Variants in HHIP observed in about 807,000 individuals in gnomAD.
The protein encoded by HHIP is hedgehog-interacting protein.
A neutral mutation model predicts 74.0 loss-of-function variants in HHIP; 12 were observed. The ratio of observed to expected loss-of-function variants is 0.16; its 90% CI spans 0.10 to 0.26. The LOEUF is 0.26. HHIP is among the 10% of genes least tolerant of loss of function. The pLI, the probability that HHIP is intolerant of heterozygous loss-of-function variation, is 1.00. For synonymous variants in HHIP, 309 were observed against 311.6 expected, an observed-to-expected ratio of 0.99 and a Z score of 0.09; for missense variants, 788 against 845.0, an observed-to-expected ratio of 0.93 and a Z score of 0.84.
At chr4:144,737,255 G>A (rs1318589008) in intron 12 of HHIP, among the ~76,000 whole-genome samples, 1 of 152,144 alleles carries the variant, frequency 6.6e-6, no homozygotes, top group Non-Finnish European at 1.5e-5. Context: ...CAAGAGGAAG[G>A]AAGAATCCAA....
Position 144,697,991 on chromosome 4 carries a change from G to T in HHIP, c.832-8540G>T, listed in dbSNP as rs138516821. On this transcript the variant is annotated intron_variant, in intron 4 of 12. Coordinates refer to ENST00000296575, the MANE Select transcript of HHIP (RefSeq NM_022475.3). ...TGTGACTTACAGGTAGATGATTTCC[G>T]TGTGGAATCTCTTTTATTCTTCCAT... 2.4e-3 allele frequency among the ~76,000 whole-genome samples: 358 copies of T among 152,202 alleles called. 4 individuals carry two copies. The highest frequency in any genetic ancestry group is 7.8e-3 in the African/African-American group (324 of 41,544).
At position 144,707,199 on chromosome 4, in the gene HHIP, T is replaced by C; in HGVS notation, c.1096T>C (p.Tyr366His). 6.2e-7 allele frequency: 1 copy of C among 1,614,072 alleles called. No individual in the cohort carries two copies. Among genetic ancestry groups the C allele is most frequent in the Non-Finnish European group, 8.5e-7 (1 of 1,179,986 alleles). ...GCTCTTTGGCCCTGACGGCTTTTTG[T>C]ACATCATTCTTGGTGATGGGATGAT... ...QLLFGPDGFL[Y>H]IILGDGMITL... Residue 366 changes from tyrosine to histidine, a missense_variant, in exon 6 of 13, where the codon TAC becomes CAC. Physicochemically the swap from Tyr to His is moderately conservative, Grantham distance 83 (BLOSUM62 2). This residue lies in a region of HHIP where 72 missense variants were observed against 130.6 expected (regional missense o/e 0.55). Transcript: ENST00000296575.
rs1728278816 is a variant in HHIP, at chr4:144,646,892, T to C, written c.217T>C (p.Tyr73His). The change falls in exon 1 of 13, where the codon TAC becomes CAC. Residue 73 changes from tyrosine (Y) to histidine (H), a missense_variant. This residue lies in a region of HHIP where 373 missense variants were observed against 366.4 expected (regional missense o/e 1.02). Transcript: ENST00000296575. ...GGGAGAGATGCTGTGCGGTGGCTTCTACCCTCGGCTGTCCTGCTGCCTGCG... is the reference window on the plus strand; with the variant it reads ...GGGAGAGATGCTGTGCGGTGGCTTCCACCCTCGGCTGTCCTGCTGCCTGCG... Reference protein sequence around the residue: ...SGGEMLCGGFYPRLSCCLRSD... With the variant: ...SGGEMLCGGFHPRLSCCLRSD... The C allele has an allele frequency of 6.2e-7, 1 of 1,614,154 alleles. No homozygotes were observed. The highest frequency in any genetic ancestry group is 1.1e-5 in the South Asian group (1 of 91,076).
chr4:144,707,678 A>G (rs1730184672), intron 6 of HHIP, among the ~76,000 whole-genome samples: 1 of 126,328 alleles, frequency 7.9e-6, no homozygotes, highest in Non-Finnish European at 1.6e-5. Flanking sequence ...TACTGATGCC[A>G]CAGTCCTCAG....
intron 1 of HHIP, among the ~76,000 whole-genome samples, chr4:144,651,874 T>C (rs1228769634): frequency 1.3e-5 from 2 of 152,044 alleles, no homozygotes; most frequent in Non-Finnish European, 2.9e-5. Flanking sequence ...TTCATTAAAA[T>C]TCACTACATA....
intron 11 of HHIP, among the ~76,000 whole-genome samples, chr4:144,721,590 T>C (rs1370791073): frequency 8.4e-6 from 1 of 119,466 alleles, no homozygotes; most frequent in Non-Finnish European, 1.8e-5. Context: ...AGGAGTTATT[T>C]AAGGAAAAAA....
chr4:144,690,315 G>A (rs72948481), intron 4 of HHIP, among the ~76,000 whole-genome samples: 1 of 152,088 alleles, frequency 6.6e-6, no homozygotes, highest in Non-Finnish European at 1.5e-5. Flanking sequence ...CTTCTGTATG[G>A]GGTAGGGAGA....
At chr4:144,677,858 A>T (rs1221508604) in intron 4 of HHIP, among the ~76,000 whole-genome samples, 1 of 152,102 alleles carries the variant, frequency 6.6e-6, no homozygotes, top group Non-Finnish European at 1.5e-5. Context: ...TAATGTTCAT[A>T]TAATATTTGT....
At position 144,740,168 on chromosome 4, in the gene HHIP, T is replaced by C. The variant is rs1393852936; in HGVS notation, c.*2211T>C. On this transcript the variant is annotated 3_prime_UTR_variant, in exon 13 of 13. Transcript: ENST00000296575. The stretch of plus-strand genomic sequence containing the variant: ...TTCTTCCTAGTTTCCCTGAAAACAA[T>C]AAGGATACTGCTATATATTCAGTAA... 1 of 152,184 alleles carries C rather than the reference T, an allele frequency of 6.6e-6. No homozygotes were observed. Among genetic ancestry groups the C allele is most frequent in the Admixed American group, 6.5e-5 (1 of 15,270 alleles). The allele number at this position is 152,184 out of a possible 1,614,324, so 9.4% of individuals were successfully genotyped here.
At chr4:144,711,238 C>G (rs1730293154) in intron 7 of HHIP, among the ~76,000 whole-genome samples, 1 of 152,180 alleles carries the variant, frequency 6.6e-6, no homozygotes, top group Admixed American at 6.5e-5. Flanking sequence ...TAGAATGCAG[C>G]AATTTCATGT....
At chr4:144,703,758 G>C (rs1027555992) in intron 4 of HHIP, among the ~76,000 whole-genome samples, 3 of 152,136 alleles carry the variant, frequency 2.0e-5, no homozygotes, top group African/African-American at 7.2e-5. Context: ...CCAGGCTCTC[G>C]GGCTAGGACG....
chr4:144,660,048 C>G lies in HHIP; in HGVS notation c.831+210C>G. 5.4e-6 allele frequency: 3 copies of G among 551,398 alleles called. 1 individual carries two copies. Among genetic ancestry groups the G allele is most frequent in the Non-Finnish European group, 9.6e-6 (3 of 312,974 alleles). The allele number at this position is 551,398 out of a possible 1,614,324, so 34.2% of individuals were successfully genotyped here. On this transcript the variant is annotated intron_variant, in intron 4 of 12. Coordinates refer to ENST00000296575, the MANE Select transcript of HHIP (RefSeq NM_022475.3). The stretch of plus-strand genomic sequence containing the variant: ...TTTGTTGACTATTGTGCGCTGCAAT[C>G]GAATTGATATTTGACATGCTTTCCC...
intron 4 of HHIP, among the ~76,000 whole-genome samples, chr4:144,703,615 G>A (rs899445370): frequency 6.6e-6 from 1 of 152,178 alleles, no homozygotes; most frequent in African/African-American, 2.4e-5. Flanking sequence ...TGGGCTAGGG[G>A]ATCAGACCAA....
At chr4:144,717,456 G>C (rs1194825051) in intron 10 of HHIP, among the ~76,000 whole-genome samples, 1 of 152,038 alleles carries the variant, frequency 6.6e-6, no homozygotes, top group Non-Finnish European at 1.5e-5. Flanking sequence ...AAAGTAGCAG[G>C]GTGTGTTTAA....
rs1731284167 is a variant in HHIP at position 144,742,568 on chromosome 4, G to A, written c.*4611G>A. The A allele has an allele frequency of 6.6e-6, 1 of 151,722 alleles. No homozygotes were observed. The highest frequency in any genetic ancestry group is 2.4e-5 in the African/African-American group (1 of 41,320). The allele number at this position is 151,722 out of a possible 1,614,324, so 9.4% of individuals were successfully genotyped here. On this transcript the variant is annotated 3_prime_UTR_variant, in exon 13 of 13. Coordinates refer to ENST00000296575, the MANE Select transcript of HHIP (RefSeq NM_022475.3). ...AAATAAGAAGCAGTTCCTCAATGGA[G>A]ACTTTATAAATCTTAATTTCCTCAC... is the stretch of plus-strand genomic sequence containing the variant.
chr4:144,703,170 C>A (rs975607515), intron 4 of HHIP, among the ~76,000 whole-genome samples: 20 of 151,234 alleles, frequency 1.3e-4, no homozygotes, highest in African/African-American at 4.9e-4. Context: ...GCCGAGATTG[C>A]GCCACTGCAC....
intron 7 of HHIP, among the ~76,000 whole-genome samples, chr4:144,711,322 G>GT (rs1017736564): frequency 7.9e-5 from 12 of 151,942 alleles, no homozygotes; most frequent in African/African-American, 1.9e-4. Flanking sequence ...TAACACTGTT[G>GT]TTTTTTTTAT....
chr4:144,646,981 C>G (rs201707149), intron 1 of HHIP, 27 bp downstream of exon 1: 9 of 1,557,308 alleles, frequency 5.8e-6, no homozygotes, highest in Non-Finnish European at 6.1e-6. Context: ...TTCACGGATG[C>G]GTACTTGGCA....
rs542541241 is a variant in HHIP at position 144,719,071 on chromosome 4, T to C, written c.1760+115T>C. Reference sequence around the variant, plus strand: ...AGCAATCAGCCAAGATGTACACTTTTACCATTTCCATATGCTTAGAGCTGT... The same window carrying C: ...AGCAATCAGCCAAGATGTACACTTTCACCATTTCCATATGCTTAGAGCTGT... On this transcript the variant is annotated intron_variant, in intron 11 of 12. Coordinates refer to ENST00000296575, the MANE Select transcript of HHIP (RefSeq NM_022475.3). 2.2e-5 allele frequency: 16 copies of C among 712,406 alleles called. No homozygotes were observed. The African/African-American group carries it at 2.8e-4, about 13-fold the overall frequency. 44.1% of individuals were successfully genotyped at this position (712,406 alleles called of 1,614,324 possible).
Sources: allele counts gnomAD v4.1 joint callset (sites outside exome capture counted in the v4.1 genomes callset), GRCh38; gene constraint gnomAD v4.1.1; regional missense constraint gnomAD v4.1.1; transcripts MANE v1.5; gene names NCBI Gene and HGNC (gene_info 2026-07-23, HGNC 2026-07-21).